TMEM132D: variants seen among roughly 807,000 people sequenced by gnomAD.
TMEM132D encodes transmembrane protein 132D, also known as mature OL transmembrane protein.
In TMEM132D, 21 loss-of-function variants were observed where a neutral mutation model predicts 62.3. The ratio of observed to expected loss-of-function variants is 0.34; its 90% CI spans 0.24 to 0.49. The LOEUF (loss-of-function observed/expected upper bound fraction) is 0.49. TMEM132D is among the 20% of genes least tolerant of loss of function. The pLI, the probability that TMEM132D is intolerant of heterozygous loss-of-function variation, is 0.99. For missense variants in TMEM132D, 1,346 were observed against 1,402.8 expected, an observed-to-expected ratio of 0.96 and a Z score of 0.65; for synonymous variants, 621 against 575.6, an observed-to-expected ratio of 1.08 and a Z score of -1.13.
At chr12:129,110,215 A>C (rs1875644381) in intron 5 of TMEM132D, 1 of 152,216 alleles carries the variant, frequency 6.6e-6, no homozygotes, top group Admixed American at 6.6e-5. Context: ...GTCCTCAATT[A>C]ATCTCTGGTG....
chr12:129,805,846 G>GA (rs1418814413), intron 1 of TMEM132D, among the ~76,000 whole-genome samples: 3 of 132,770 alleles, frequency 2.3e-5, no homozygotes, highest in Non-Finnish European at 3.2e-5. Flanking sequence ...AAATTTACAA[G>GA]AAAAAAACAA....
rs1253666050 is a variant in TMEM132D at position 129,779,927 on chromosome 12, A to C, written c.80-79229T>G. 6.6e-6 allele frequency among the ~76,000 whole-genome samples: 1 copy of C among 152,080 alleles called. No individual in the cohort carries two copies. The highest frequency in any genetic ancestry group is 1.5e-5 in the Non-Finnish European group (1 of 68,022). ...ACGTGCTTTTACGCATTGACTCCAG[A>C]AATCCTTACAACCATCCTCCGAGAA... is the stretch of plus-strand genomic sequence containing the variant. On this transcript the variant is annotated intron_variant, in intron 1 of 8. Coordinates refer to ENST00000422113, the MANE Select transcript of TMEM132D (RefSeq NM_133448.3). This position sits in a 1 kb window ranked among gnomAD's most constrained non-coding sequence, Gnocchi z 4.1.
intron 3 of TMEM132D, among the ~76,000 whole-genome samples, chr12:129,500,474 A>G (rs1357133479): frequency 6.6e-6 from 1 of 152,216 alleles, no homozygotes; most frequent in Admixed American, 6.5e-5. Context: ...TAGATTGCTA[A>G]CAATTGTGTA....
chr12:129,596,721 T>C lies in TMEM132D; in HGVS notation c.969-65516A>G, dbSNP rs187676607. Among the ~76,000 whole-genome samples, 411 of 152,274 alleles carry C rather than the reference T, an allele frequency of 2.7e-3. 2 individuals are homozygous for C. Among genetic ancestry groups the C allele is most frequent in the Non-Finnish European group, 2.7e-3 (185 of 68,018 alleles). ...TGAATTACTTCTTCTATTTCCCCAC[T>C]CACTGCTTTTGATTGAATTCCATAT... On this transcript the variant is annotated intron_variant, in intron 2 of 8. Transcript: ENST00000422113.
chr12:129,393,662 C>T (rs983676208), intron 3 of TMEM132D, among the ~76,000 whole-genome samples: 3 of 152,090 alleles, frequency 2.0e-5, no homozygotes, highest in Admixed American at 6.6e-5. Context: ...TTCAAAAACT[C>T]GTCCTGAAAA....
intron 4 of TMEM132D, among the ~76,000 whole-genome samples, chr12:129,329,542 T>C (rs1351018535): frequency 6.6e-6 from 1 of 152,210 alleles, no homozygotes; most frequent in East Asian, 1.9e-4. Context: ...AGGAAGCTCC[T>C]TTCCCTAATT....
At chr12:129,307,878 T>C (rs748451139) in intron 4 of TMEM132D, among the ~76,000 whole-genome samples, 1 of 152,270 alleles carries the variant, frequency 6.6e-6, no homozygotes, top group South Asian at 2.1e-4. Context: ...AAATGTATGA[T>C]TTTCTTATTT....
chr12:129,156,283 T>A (rs913224853), intron 5 of TMEM132D, among the ~76,000 whole-genome samples: 38 of 151,580 alleles, frequency 2.5e-4, no homozygotes, highest in Middle Eastern at 3.2e-3. Context: ...CTGAAGTAAC[T>A]AACTCAGTCC....
At chr12:129,681,583 G>C (rs1880779986) in intron 2 of TMEM132D, 1 of 152,220 alleles carries the variant, frequency 6.6e-6, no homozygotes. Flanking sequence ...CCAAGACCAA[G>C]TGATCCTGGA....
At chr12:129,315,349 A>G (rs1868447637) in intron 4 of TMEM132D, among the ~76,000 whole-genome samples, 1 of 152,174 alleles carries the variant, frequency 6.6e-6, no homozygotes, top group Non-Finnish European at 1.5e-5. Flanking sequence ...AGTTTTAATC[A>G]TAAAGGGATG....
chr12:129,790,143 T>A (rs932753215), intron 1 of TMEM132D, among the ~76,000 whole-genome samples: 5 of 151,864 alleles, frequency 3.3e-5, no homozygotes, highest in African/African-American at 1.2e-4. Flanking sequence ...CTGGGGCGAG[T>A]GCTTTTTGGT....
At chr12:129,605,604 T>TATATATATATATATATATACACACAC (rs150550863) in intron 2 of TMEM132D, among the ~76,000 whole-genome samples, 10 of 106,280 alleles carry the variant, frequency 9.4e-5, no homozygotes, top group South Asian at 3.1e-4. Context: ...TATATATATA[T>TATATATATATATATATATACACACAC]ACACACACAT....
rs1333520514 is a variant in TMEM132D, at chr12:129,711,728, CAA to C, written c.80-11032_80-11031del. On this transcript the variant is annotated intron_variant, in intron 1 of 8. Transcript: ENST00000422113. The stretch of plus-strand genomic sequence containing the variant: ...GGCAACAAGAGCGAAATTCCATCTC[CAA>C]AAAAAAAAAAAAAAAAGGATGGGAT... Among the ~76,000 whole-genome samples the C allele has an allele frequency of 3.2e-3, 146 of 45,418 alleles. 1 individual carries two copies. Among genetic ancestry groups the C allele is most frequent in the African/African-American group, 6.0e-3 (120 of 20,010 alleles). 29.8% of individuals were successfully genotyped at this position (45,418 alleles called of 152,430 possible).
rs761255766 is a variant in TMEM132D, at chr12:129,074,753, C to T, written c.2422G>A (p.Asp808Asn). Residue 808 changes from aspartate (D) to asparagine (N), a missense_variant, in exon 9 of 9, where the codon GAC (aspartate) becomes AAC (asparagine). Coordinates refer to ENST00000422113, the MANE Select transcript of TMEM132D (RefSeq NM_133448.3). ...ACCCCTGCCCCTGTGTGTCTGCTGT[C>T]ACTGGTGTTGGGGTTAGCATCGTTT... is the stretch of plus-strand genomic sequence containing the variant. ...GQNDANPNTS[D>N]SRHTGAGVHM... 4.3e-6 allele frequency: 7 copies of T among 1,614,068 alleles called. No individual in the cohort carries two copies. Among genetic ancestry groups the T allele is most frequent in the African/African-American group, 1.3e-5 (1 of 74,930 alleles).
intron 2 of TMEM132D, among the ~76,000 whole-genome samples, chr12:129,558,898 T>C (rs912067356): frequency 6.6e-5 from 10 of 152,196 alleles, no homozygotes; most frequent in African/African-American, 2.2e-4. Flanking sequence ...CACTCAATTA[T>C]TGGAACTCCT....
chr12:129,519,419 A>T (rs1875781915), intron 3 of TMEM132D, among the ~76,000 whole-genome samples: 2 of 152,204 alleles, frequency 1.3e-5, no homozygotes, highest in South Asian at 4.1e-4. Flanking sequence ...TCAGAGTTTT[A>T]TTAAGGAAGC....
At chr12:129,584,408 G>C (rs2200253) in intron 2 of TMEM132D, among the ~76,000 whole-genome samples, 1 of 152,186 alleles carries the variant, frequency 6.6e-6, no homozygotes, top group Non-Finnish European at 1.5e-5. Context: ...CTATGCAAGA[G>C]GCATAATTTG....
intron 3 of TMEM132D, among the ~76,000 whole-genome samples, chr12:129,509,800 A>C (rs1159570143): frequency 6.6e-6 from 1 of 152,156 alleles, no homozygotes; most frequent in Non-Finnish European, 1.5e-5. Context: ...AAATGATAAG[A>C]GCTCATTCTT....
rs565235609 is a variant in TMEM132D, at chr12:129,729,197, CCA to C, written c.80-28501_80-28500del. 1.7e-4 allele frequency among the ~76,000 whole-genome samples: 26 copies of C among 152,308 alleles called. 1 individual carries two copies. In the East Asian group the frequency reaches 5.0e-3, roughly 29 times the overall value. On this transcript the variant is annotated intron_variant, in intron 1 of 8. Coordinates refer to ENST00000422113, the MANE Select transcript of TMEM132D (RefSeq NM_133448.3). ...CCTCATTTGTATTACCTGTTTTCCA[CCA>C]CAGACATTTTATTTTTAAAACATCT...
Sources: gnomAD v4.1 joint callset for allele counts (sites outside exome capture counted in the v4.1 genomes callset) on GRCh38, gnomAD v4.1.1 for gene constraint, Gnocchi (gnomAD v3.1) non-coding constraint, MANE v1.5 for transcripts, NCBI Gene and HGNC (gene_info 2026-07-23, HGNC 2026-07-21) for gene names.